RBPJ: variants seen among roughly 807,000 people sequenced by gnomAD.
RBPJ encodes recombining binding protein suppressor of hairless.
Under a neutral mutation model 67.8 loss-of-function variants are expected in RBPJ, and 9 were observed. The observed-to-expected ratio is 0.13, with a 90% CI of 0.08 to 0.23. RBPJ has a LOEUF of 0.23. Among genes scored for constraint, RBPJ ranks in the 10% least tolerant of loss-of-function variants. The pLI is 1.00. For synonymous variants in RBPJ, 198 were observed against 203.3 expected (o/e 0.97, Z 0.22); for missense variants, 305 against 595.6 (o/e 0.51, Z 5.08).
In RBPJ at chr4:26,368,966, C is replaced by A. The variant is rs76287736; in HGVS notation, c.21-17387C>A. ...TCTCTGTAGGGAGCCAATTTTCAAT[C>A]CTTGGTCTACTTTCCAAATCTGTTC... On this transcript the variant is annotated intron_variant, in intron 1 of 10. Transcript: ENST00000355476. Among the ~76,000 whole-genome samples the A allele has an allele frequency of 5.8e-3, 885 of 152,236 alleles. 8 individuals are homozygous for A. Among genetic ancestry groups the A allele is most frequent in the Non-Finnish European group, 9.1e-3 (619 of 68,008 alleles).
chr4:26,220,821 C>A (rs1286311538), intron 1 of RBPJ, among the ~76,000 whole-genome samples: 1 of 152,202 alleles, frequency 6.6e-6, no homozygotes, highest in Non-Finnish European at 1.5e-5. Context: ...AGGGACAGAG[C>A]CAGGAGCTGC....
intron 1 of RBPJ, among the ~76,000 whole-genome samples, chr4:26,297,469 G>A (rs1045268229): frequency 6.6e-6 from 1 of 152,110 alleles, no homozygotes; most frequent in Non-Finnish European, 1.5e-5. Flanking sequence ...CAGTGACTGA[G>A]AATGTCGATG....
the RBPJ span, among the ~76,000 whole-genome samples, chr4:26,155,001 G>C: frequency 6.6e-6 from 1 of 152,248 alleles, no homozygotes; most frequent in East Asian, 1.9e-4. Flanking sequence ...TATCAGGGCT[G>C]GACATAAAGA....
chr4:26,252,874 A>G (rs1720159645), intron 1 of RBPJ, among the ~76,000 whole-genome samples: 1 of 152,254 alleles, frequency 6.6e-6, no homozygotes, highest in Non-Finnish European at 1.5e-5. Context: ...AAAAATGGGC[A>G]TATTAGAAAG....
At chr4:26,204,244 G>A (rs1400117874) in intron 1 of RBPJ, among the ~76,000 whole-genome samples, 6 of 152,170 alleles carry the variant, frequency 3.9e-5, no homozygotes, top group Admixed American at 3.9e-4. Context: ...CACCATGCCT[G>A]GCTGAAGTCA....
chr4:26,252,633 A>T (rs547885080), intron 1 of RBPJ, among the ~76,000 whole-genome samples: 2 of 152,272 alleles, frequency 1.3e-5, no homozygotes, highest in East Asian at 3.9e-4. Context: ...AACTGACTTA[A>T]ATCAATAATA....
At chr4:26,163,439 G>T (rs1042186120), upstream of RBPJ, 1 of 149,498 alleles carries the variant, frequency 6.7e-6, no homozygotes, top group African/African-American at 2.5e-5. Flanking sequence ...GAGAGAGAAT[G>T]TTGAATCTCT....
At chr4:26,135,934 A>G in the RBPJ span, among the ~76,000 whole-genome samples, 1 of 152,196 alleles carries the variant, frequency 6.6e-6, no homozygotes, top group Admixed American at 6.5e-5. Flanking sequence ...CTGAGACTGT[A>G]AAAGGTATGT....
At chr4:26,247,977 G>A (rs1040722166) in intron 1 of RBPJ, among the ~76,000 whole-genome samples, 5 of 151,970 alleles carry the variant, frequency 3.3e-5, no homozygotes, top group Admixed American at 1.3e-4. Flanking sequence ...GTACATGTAC[G>A]CTGTGAATCT....
the RBPJ span, among the ~76,000 whole-genome samples, chr4:26,142,770 GTA>G: frequency 3.3e-5 from 5 of 151,866 alleles, no homozygotes; most frequent in African/African-American, 1.2e-4. Context: ...GTGTGTGTGT[GTA>G]TGTGTGTGTG....
At chr4:26,233,976 T>C (rs544064884) in intron 1 of RBPJ, among the ~76,000 whole-genome samples, 1 of 152,230 alleles carries the variant, frequency 6.6e-6, no homozygotes, top group African/African-American at 2.4e-5. Context: ...CAAAAAAAAA[T>C]TCATAATTGC....
chr4:26,259,948 A>G (rs1340447143), intron 1 of RBPJ, among the ~76,000 whole-genome samples: 2 of 152,190 alleles, frequency 1.3e-5, no homozygotes, highest in Non-Finnish European at 2.9e-5. Context: ...CTTCTACCAT[A>G]AGTTTGATCT....
At chr4:26,106,185 TC>T in the RBPJ span, among the ~76,000 whole-genome samples, 1 of 152,158 alleles carries the variant, frequency 6.6e-6, no homozygotes, top group Non-Finnish European at 1.5e-5. Flanking sequence ...TAACATCCCT[TC>T]CCGCCTTTTT....
At chr4:26,221,333 A>G (rs969961890) in intron 1 of RBPJ, among the ~76,000 whole-genome samples, 2 of 151,918 alleles carry the variant, frequency 1.3e-5, no homozygotes, top group Admixed American at 6.6e-5. Flanking sequence ...CTCGTGATCC[A>G]CCCGCCTCCG....
chr4:26,191,738 T>TG (rs1311908829), intron 1 of RBPJ, among the ~76,000 whole-genome samples: 2 of 152,130 alleles, frequency 1.3e-5, no homozygotes, highest in African/African-American at 4.8e-5. Flanking sequence ...GGGTTTCAAC[T>TG]GGGGGCTGGC....
chr4:26,364,075 C>A (rs1488498495), intron 1 of RBPJ, among the ~76,000 whole-genome samples: 5 of 151,980 alleles, frequency 3.3e-5, no homozygotes, highest in Non-Finnish European at 1.5e-5. Flanking sequence ...TCAGAACTCT[C>A]TTTTAGGTAA....
intron 1 of RBPJ, among the ~76,000 whole-genome samples, chr4:26,289,401 A>G (rs1034397497): frequency 3.4e-5 from 5 of 149,064 alleles, no homozygotes; most frequent in East Asian, 3.9e-4. Context: ...AAAAAAAAAA[A>G]AAAAAAGAAA....
At chr4:26,262,041 G>A (rs1475273240) in intron 1 of RBPJ, among the ~76,000 whole-genome samples, 1 of 152,160 alleles carries the variant, frequency 6.6e-6, no homozygotes, top group African/African-American at 2.4e-5. Flanking sequence ...GGCCTCCTGG[G>A]CTCAAGCGGT....
chr4:26,172,912 ATAGTCAT>A (rs1435573716), intron 1 of RBPJ, among the ~76,000 whole-genome samples: 1 of 152,202 alleles, frequency 6.6e-6, no homozygotes, highest in Non-Finnish European at 1.5e-5. Context: ...TGTGCTACAC[ATAGTCAT>A]ATGCCTGGCT....
Sources: allele counts gnomAD v4.1 joint callset (sites outside exome capture counted in the v4.1 genomes callset), GRCh38; gene constraint gnomAD v4.1.1; transcripts MANE v1.5; gene names NCBI Gene and HGNC (gene_info 2026-07-23, HGNC 2026-07-21).